The following UHRF1 variants were observed in gnomAD, a reference collection of about 807,000 sequenced individuals.
UHRF1 encodes the protein E3 ubiquitin-protein ligase UHRF1.
A neutral mutation model predicts 96.5 loss-of-function variants in UHRF1; 9 were observed. The observed-to-expected ratio is 0.09, with a 90% CI of 0.06 to 0.16. The LOEUF is 0.16. Ranked by LOEUF, UHRF1 falls within the 10% of genes least tolerant of loss-of-function variation. The pLI is 1.00. For missense variants in UHRF1, 626 were observed against 1,131.1 expected, an observed-to-expected ratio of 0.55 and a Z score of 6.40; for synonymous variants, 455 against 469.9, an observed-to-expected ratio of 0.97 and a Z score of 0.41.
Position 4,945,767 on chromosome 19 carries a change from G to T in UHRF1, c.1306-94G>T, listed in dbSNP as rs1026961256. On this transcript the variant is annotated intron_variant, in intron 9 of 16. Coordinates refer to ENST00000650932, the MANE Select transcript of UHRF1 (RefSeq NM_001048201.3). ...AGGAGTTTGGTGTAAAAGTGAGGCC[G>T]CTGGCTGCTCGGGGTAGGGAGGAGG... The T allele has an allele frequency of 4.8e-6, 5 of 1,051,958 alleles. No homozygotes were observed. In the Admixed American group the frequency reaches 1.0e-4, roughly 21 times the overall value. 65.2% of individuals were successfully genotyped at this position (1,051,958 alleles called of 1,614,324 possible). A position where few individuals can be genotyped will look rare whatever the true frequency, so the allele number is the denominator to read the frequency against.
In UHRF1 at chr19:4,911,130, C is replaced by G. The variant is rs2032256994; in HGVS notation, c.153+92C>G. On this transcript the variant is annotated intron_variant, in intron 2 of 16. Coordinates refer to ENST00000650932, the MANE Select transcript of UHRF1 (RefSeq NM_001048201.3). ...CGATACTTTCTCCCTCCCACCTCCC[C>G]CCCCAACAACCTCGTCCGGTCCCAC... 3 of 1,238,560 alleles carry G rather than the reference C, an allele frequency of 2.4e-6. 1 individual carries two copies. Among genetic ancestry groups the G allele is most frequent in the African/African-American group, 3.1e-5 (2 of 65,460 alleles). The allele number at this position is 1,238,560 out of a possible 1,614,324, so 76.7% of individuals were successfully genotyped here. A position where few individuals can be genotyped will look rare whatever the true frequency, so the allele number is the denominator to read the frequency against.
chr19:4,922,799 C>T (rs1024618240), intron 2 of UHRF1, among the ~76,000 whole-genome samples: 1 of 152,224 alleles, frequency 6.6e-6, no homozygotes, highest in African/African-American at 2.4e-5. Flanking sequence ...GGCCAGGCCC[C>T]ATCCCCACTT....
chr19:4,924,237 C>T (rs2032796046), intron 2 of UHRF1, among the ~76,000 whole-genome samples: 1 of 152,130 alleles, frequency 6.6e-6, no homozygotes, highest in Admixed American at 6.5e-5. Flanking sequence ...GCAAGCTCCG[C>T]CCCCCGGGTT....
upstream of UHRF1, among the ~76,000 whole-genome samples, chr19:4,904,696 T>C (rs2032029341): frequency 6.6e-6 from 1 of 152,224 alleles, no homozygotes; most frequent in South Asian, 2.1e-4. Context: ...GTGAACTTTG[T>C]GCCCATCAAT....
intron 5 of UHRF1, among the ~76,000 whole-genome samples, chr19:4,941,085 G>GTTTTTTTTT (rs869250736): frequency 1.6e-4 from 8 of 50,084 alleles, no homozygotes; most frequent in Non-Finnish European, 1.7e-4. Flanking sequence ...TCTGTGTTTT[G>GTTTTTTTTT]TTTTTTTTTT....
chr19:4,936,172 C>T (rs2033210311), intron 5 of UHRF1, among the ~76,000 whole-genome samples: 2 of 152,112 alleles, frequency 1.3e-5, no homozygotes, highest in African/African-American at 4.8e-5. Context: ...TGTCCCTTGC[C>T]AGCCCCATGG....
chr19:4,937,164 G>T (rs1352559905), intron 5 of UHRF1, among the ~76,000 whole-genome samples: 1 of 151,992 alleles, frequency 6.6e-6, no homozygotes, highest in African/African-American at 2.4e-5. Context: ...GAATCACACA[G>T]TATGTAACCT....
intron 2 of UHRF1, 35 bp downstream of exon 2, chr19:4,911,073 G>A (rs1422469649): frequency 6.7e-7 from 1 of 1,490,974 alleles, no homozygotes; most frequent in South Asian, 1.4e-5. Flanking sequence ...TTCTATGCCT[G>A]GTCCAGGCCT....
chr19:4,950,675 C>T lies in UHRF1; in HGVS notation c.1582C>T (p.Arg528Trp). ...AGAAGGGGCCGAGGCCAAGGACTGGCGGTCGGGGAAGCCGGTCAGGGTGGT... is the reference window on the plus strand; with the variant it reads ...AGAAGGGGCCGAGGCCAAGGACTGGTGGTCGGGGAAGCCGGTCAGGGTGGT... ...DQEGAEAKDW[R>W]SGKPVRVVRN... Residue 528 changes from arginine to tryptophan, a missense_variant, in exon 12 of 17, where the codon CGG becomes TGG. Transcript: ENST00000650932. 3 of 1,610,184 alleles carry T rather than the reference C, an allele frequency of 1.9e-6. No individual in the cohort carries two copies. Among genetic ancestry groups the T allele is most frequent in the Non-Finnish European group, 2.5e-6 (3 of 1,178,436 alleles).
chr19:4,934,732 G>T (rs892406711), intron 5 of UHRF1, among the ~76,000 whole-genome samples: 1 of 152,152 alleles, frequency 6.6e-6, no homozygotes, highest in African/African-American at 2.4e-5. Flanking sequence ...CAAGCACGCA[G>T]AGGTCCTGGG....
chr19:4,944,537 G>A (rs2033506691), intron 9 of UHRF1, 87 bp downstream of exon 9: 3 of 1,458,056 alleles, frequency 2.1e-6, no homozygotes, highest in Admixed American at 3.5e-5. Context: ...GGCCAGCCAG[G>A]GGTCAGGGTG....
intron 7 of UHRF1, among the ~76,000 whole-genome samples, chr19:4,943,662 T>C (rs1041959368): frequency 6.6e-6 from 1 of 152,130 alleles, no homozygotes; most frequent in African/African-American, 2.4e-5. Context: ...TGCTTTCTTT[T>C]TTTTTTGAGA....
chr19:4,940,383 T>TTTTTTA, intron 5 of UHRF1, among the ~76,000 whole-genome samples: 2 of 136,328 alleles, frequency 1.5e-5, no homozygotes. Flanking sequence ...TTTTTTTTTT[T>TTTTTTA]GAGATGGAGT....
At chr19:4,916,320 C>A (rs955811166) in intron 2 of UHRF1, among the ~76,000 whole-genome samples, 75 of 146,986 alleles carry the variant, frequency 5.1e-4, no homozygotes, top group Admixed American at 4.0e-3. Flanking sequence ...AAAAAAAAAA[C>A]CAAATAAATT....
chr19:4,958,721 C>T (rs2033918459), intron 16 of UHRF1, among the ~76,000 whole-genome samples: 1 of 152,062 alleles, frequency 6.6e-6, no homozygotes, highest in South Asian at 2.1e-4. Context: ...CCTGTAATCC[C>T]AGCACTTGGG....
intron 13 of UHRF1, among the ~76,000 whole-genome samples, chr19:4,952,111 G>C (rs1282785902): frequency 6.6e-6 from 1 of 152,128 alleles, no homozygotes; most frequent in Non-Finnish European, 1.5e-5. Flanking sequence ...TGTTTGTTTT[G>C]AGATGGAGTC....
At chr19:4,936,170 G>A (rs1425627552) in intron 5 of UHRF1, among the ~76,000 whole-genome samples, 1 of 152,160 alleles carries the variant, frequency 6.6e-6, no homozygotes, top group Non-Finnish European at 1.5e-5. Context: ...ACTGTCCCTT[G>A]CCAGCCCCAT....
Position 4,933,200 on chromosome 19 carries a change from C to G in UHRF1, c.785+244C>G, listed in dbSNP as rs943295914. Among the ~76,000 whole-genome samples the G allele has an allele frequency of 3.3e-5, 5 of 152,324 alleles. No individual in the cohort carries two copies. The South Asian group carries it at 1.0e-3, about 32-fold the overall frequency. On this transcript the variant is annotated intron_variant, in intron 5 of 16. Coordinates refer to ENST00000650932, the MANE Select transcript of UHRF1 (RefSeq NM_001048201.3). Reference sequence around the variant, plus strand: ...ACTGTCTCTGACCCCCAGGCCCTGACAGGCAGAGTTGTCAAACTTCCTTTT... The same window carrying G: ...ACTGTCTCTGACCCCCAGGCCCTGAGAGGCAGAGTTGTCAAACTTCCTTTT...
intron 2 of UHRF1, among the ~76,000 whole-genome samples, chr19:4,927,556 C>T (rs17882989): frequency 1.3e-5 from 2 of 152,088 alleles, no homozygotes; most frequent in East Asian, 3.9e-4. Flanking sequence ...CCCCAAGGGG[C>T]GAAAGGAGGA....
Sources: gnomAD v4.1 joint callset for allele counts (sites outside exome capture counted in the v4.1 genomes callset) on GRCh38, gnomAD v4.1.1 for gene constraint, MANE v1.5 for transcripts, NCBI Gene and HGNC (gene_info 2026-07-23, HGNC 2026-07-21) for gene names.